DLG2: variants seen among roughly 807,000 people sequenced by gnomAD.
DLG2 encodes disks large homolog 2.
A neutral mutation model predicts 132.5 loss-of-function variants in DLG2; 45 were observed. The ratio of observed to expected loss-of-function variants is 0.34; its 90% CI spans 0.27 to 0.44. DLG2 has a LOEUF of 0.44. Among genes scored for constraint, DLG2 ranks in the 20% least tolerant of loss-of-function variants. The probability of loss-of-function intolerance (pLI) is 1.00; values close to 1 mark genes in which losing one functional copy is unlikely to be tolerated. For synonymous variants in DLG2, 424 were observed against 419.6 expected, an observed-to-expected ratio of 1.01 and a Z score of -0.13; for missense variants, 1,045 against 1,196.9, an observed-to-expected ratio of 0.87 and a Z score of 1.87.
chr11:84,361,269 A>G (rs1317199497), intron 7 of DLG2, among the ~76,000 whole-genome samples: 2 of 151,988 alleles, frequency 1.3e-5, no homozygotes, highest in Non-Finnish European at 2.9e-5. Flanking sequence ...ATGAACATAA[A>G]GAAAACCATA....
At chr11:84,500,900 T>C (rs1283876835) in intron 7 of DLG2, among the ~76,000 whole-genome samples, 1 of 152,236 alleles carries the variant, frequency 6.6e-6, no homozygotes, top group Non-Finnish European at 1.5e-5. Flanking sequence ...ATCCAGGTGA[T>C]ATTTTATATG....
chr11:84,584,784 GT>G (rs1459613121), intron 6 of DLG2, among the ~76,000 whole-genome samples: 1 of 138,308 alleles, frequency 7.2e-6, no homozygotes, highest in Non-Finnish European at 1.5e-5. Flanking sequence ...TGCCTCCCGG[GT>G]TCACGCCATT....
At chr11:83,872,312 A>T (rs2063622028) in intron 16 of DLG2, among the ~76,000 whole-genome samples, 1 of 152,168 alleles carries the variant, frequency 6.6e-6, no homozygotes, top group African/African-American at 2.4e-5. Context: ...TGTTGAGGAA[A>T]CCCATGCTTA....
At chr11:83,721,963 A>G (rs183602330) in intron 18 of DLG2, among the ~76,000 whole-genome samples, 25 of 152,326 alleles carry the variant, frequency 1.6e-4, no homozygotes, top group African/African-American at 5.8e-4. Context: ...AAAAAGTGTG[A>G]CAGTTTGCCA....
Position 83,992,226 on chromosome 11 carries a change from C to A in DLG2, c.920-11584G>T, listed in dbSNP as rs529533976. 2.6e-5 allele frequency among the ~76,000 whole-genome samples: 4 copies of A among 152,256 alleles called. No homozygotes were observed. In the South Asian group the frequency reaches 8.3e-4, roughly 32 times the overall value. ...AGTAGCAGCCTAAATATTGTTGTTA[C>A]ATCAATAAATTAGAGATCTAGTGTT... is the stretch of plus-strand genomic sequence containing the variant. On this transcript the variant is annotated intron_variant, in intron 11 of 27. Transcript: ENST00000376104.
chr11:85,030,408 A>G (rs1406392259), intron 6 of DLG2, among the ~76,000 whole-genome samples: 1 of 152,186 alleles, frequency 6.6e-6, no homozygotes, highest in African/African-American at 2.4e-5. Context: ...CCTACATATA[A>G]TGCTAAATTT....
chr11:84,611,146 C>T (rs2099594938), intron 6 of DLG2, among the ~76,000 whole-genome samples: 1 of 151,960 alleles, frequency 6.6e-6, no homozygotes, highest in Non-Finnish European at 1.5e-5. Flanking sequence ...ACCGGCTTCT[C>T]AAATAATACT....
intron 6 of DLG2, among the ~76,000 whole-genome samples, chr11:84,701,977 T>G (rs2059274711): frequency 6.6e-6 from 1 of 151,626 alleles, no homozygotes; most frequent in Admixed American, 6.6e-5. Context: ...CTAATGGAAT[T>G]ACCAAATCCC....
intron 8 of DLG2, among the ~76,000 whole-genome samples, chr11:84,209,463 G>A (rs1329174924): frequency 2.0e-5 from 3 of 152,124 alleles, no homozygotes; most frequent in Non-Finnish European, 2.9e-5. Flanking sequence ...TTGGAGTTTA[G>A]TTAATAGTAA....
chr11:83,962,810 AC>A, intron 14 of DLG2, 74 bp downstream of exon 14: 1 of 1,565,506 alleles, frequency 6.4e-7, no homozygotes, highest in Non-Finnish European at 8.7e-7. Flanking sequence ...CCAAAACAAC[AC>A]CTGACATGTT....
intron 15 of DLG2, among the ~76,000 whole-genome samples, chr11:83,920,395 C>A (rs113320464): frequency 0.033 from 5,068 of 152,134 alleles, 178 homozygotes; most frequent in African/African-American, 0.085. Flanking sequence ...AAATAAAATT[C>A]TACATTCTAA....
At chr11:84,714,647 T>TCTCTTTC (rs2060981509) in intron 6 of DLG2, among the ~76,000 whole-genome samples, 1 of 90,650 alleles carries the variant, frequency 1.1e-5, no homozygotes, top group Non-Finnish European at 2.1e-5. Flanking sequence ...CTCTCTCTCT[T>TCTCTTTC]TCTCTCTCTC....
At chr11:85,304,574 T>C (rs2152799241) in intron 3 of DLG2, among the ~76,000 whole-genome samples, 1 of 152,220 alleles carries the variant, frequency 6.6e-6, no homozygotes, top group East Asian at 1.9e-4. Flanking sequence ...AATATGATGC[T>C]CAAACTAAGT....
At chr11:84,765,645 A>C (rs1204457333) in intron 6 of DLG2, among the ~76,000 whole-genome samples, 2 of 152,110 alleles carry the variant, frequency 1.3e-5, no homozygotes, top group African/African-American at 4.8e-5. Flanking sequence ...GAAAGGTATA[A>C]AAATTATTTT....
At chr11:85,525,816 A>G (rs1184843287) in intron 3 of DLG2, among the ~76,000 whole-genome samples, 2 of 152,164 alleles carry the variant, frequency 1.3e-5, no homozygotes, top group Non-Finnish European at 2.9e-5. Context: ...TGAAGCTGGG[A>G]ATCTGCAGAG....
chr11:83,645,435 C>T (rs542603125), intron 18 of DLG2, among the ~76,000 whole-genome samples: 91 of 152,152 alleles, frequency 6.0e-4, no homozygotes, highest in Middle Eastern at 6.8e-3. Flanking sequence ...GGCTGTGCTG[C>T]AATGACAGAT....
chr11:85,422,837 T>C (rs1045126393), intron 3 of DLG2, among the ~76,000 whole-genome samples: 1 of 152,170 alleles, frequency 6.6e-6, no homozygotes, highest in African/African-American at 2.4e-5. Flanking sequence ...TATTTCTCCC[T>C]TCACTTCTTG....
intron 10 of DLG2, among the ~76,000 whole-genome samples, chr11:84,080,054 T>G (rs575411614): frequency 2.0e-5 from 3 of 152,312 alleles, no homozygotes; most frequent in African/African-American, 7.2e-5. Flanking sequence ...TCCTTTTAAC[T>G]CTCAACTTAG....
intron 8 of DLG2, among the ~76,000 whole-genome samples, chr11:84,176,031 C>G (rs1011298920): frequency 2.0e-5 from 3 of 151,916 alleles, no homozygotes; most frequent in East Asian, 1.9e-4. Context: ...AATTTTCATA[C>G]TATTTTCACA....
Sources: gnomAD v4.1 joint callset for allele counts (sites outside exome capture counted in the v4.1 genomes callset) on GRCh38, gnomAD v4.1.1 for gene constraint, MANE v1.5 for transcripts, NCBI Gene and HGNC (gene_info 2026-07-23, HGNC 2026-07-21) for gene names.